VPS35L: variants seen among roughly 807,000 people sequenced by gnomAD.
VPS35L encodes VPS35 endosomal protein sorting factor like, also known as VPS35 endosomal protein-sorting factor-like.
VPS35L carries 83 observed loss-of-function variants against 133.0 expected under a neutral mutation model. That is an observed-to-expected ratio of 0.62 (90% confidence interval 0.52 to 0.75). The LOEUF is 0.75. VPS35L is among the 30% of genes least tolerant of loss of function. VPS35L has a pLI of 0.00. For synonymous variants in VPS35L, 423 were observed against 449.9 expected (o/e 0.94, Z 0.76); for missense variants, 1,083 against 1,206.8 (o/e 0.90, Z 1.52).
At chr16:19,669,440 T>C in intron 27 of VPS35L, 141 bp downstream of exon 27, 6 of 1,061,592 alleles carry the variant, frequency 5.7e-6, no homozygotes, top group Non-Finnish European at 6.5e-6. Flanking sequence ...TTTGAATTGC[T>C]TAATGAATTT....
rs192110223 is a variant in VPS35L at position 19,620,688 on chromosome 16, T to G, written c.1224+3880T>G. Among the ~76,000 whole-genome samples the G allele has an allele frequency of 2.9e-3, 435 of 152,238 alleles. 4 individuals carry two copies. Among genetic ancestry groups the G allele is most frequent in the African/African-American group, 0.01 (425 of 41,550 alleles). ...AAATTAGGCCAGGCGTGGTGGCACA[T>G]GCCTGTAATCCCAGCACTTTGGGAG... On this transcript the variant is annotated intron_variant, in intron 14 of 30. Coordinates refer to ENST00000417362, the MANE Select transcript of VPS35L (RefSeq NM_020314.7).
At chr16:19,590,152 CCCCCA>C (rs1972000932) in intron 7 of VPS35L, among the ~76,000 whole-genome samples, 1 of 104,244 alleles carries the variant, frequency 9.6e-6, no homozygotes, top group African/African-American at 3.7e-5. Context: ...CCCCCCCCCC[CCCCCA>C]CAAATAACAT....
At chr16:19,671,641 G>A (rs1974878380) in intron 27 of VPS35L, among the ~76,000 whole-genome samples, 2 of 152,018 alleles carry the variant, frequency 1.3e-5, no homozygotes, top group South Asian at 4.2e-4. Flanking sequence ...GCCAGGAGTG[G>A]TGGCAGGCAC....
chr16:19,631,992 C>T (rs1195511869), intron 18 of VPS35L, among the ~76,000 whole-genome samples: 1 of 152,030 alleles, frequency 6.6e-6, no homozygotes, highest in African/African-American at 2.4e-5. Flanking sequence ...GATGGAGTCT[C>T]ACTCCGTCAC....
Position 19,573,225 on chromosome 16 carries a change from C to G in VPS35L, c.392C>G (p.Thr131Ser). 1 of 1,613,812 alleles carries G rather than the reference C, an allele frequency of 6.2e-7. No homozygotes were observed. The highest frequency in any genetic ancestry group is 8.5e-7 in the Non-Finnish European group (1 of 1,179,818). ...RGEILARYTT[T>S]EKLSINLFMG... ...GAAATCCTTGCCCGGTACACCACTA[C>G]CGAAAAGCTGTCTATTGTGAGTACC... Residue 131 changes from threonine (T) to serine (S), a missense_variant, in exon 4 of 31, where the codon ACC (threonine) becomes AGC (serine). Physicochemically the swap from Thr to Ser is moderately conservative, Grantham distance 58 (BLOSUM62 1). Coordinates refer to ENST00000417362, the MANE Select transcript of VPS35L (RefSeq NM_020314.7).
intron 4 of VPS35L, among the ~76,000 whole-genome samples, chr16:19,574,450 A>T (rs1971473137): frequency 6.6e-6 from 1 of 152,146 alleles, no homozygotes; most frequent in Admixed American, 6.5e-5. Context: ...GTCCATCTAC[A>T]AATGGGGCTG....
chr16:19,559,604 G>A (rs1315184843), intron 1 of VPS35L, among the ~76,000 whole-genome samples: 1 of 152,142 alleles, frequency 6.6e-6, no homozygotes, highest in Non-Finnish European at 1.5e-5. Context: ...GGATCAGAGA[G>A]CAAATTTGAG....
chr16:19,612,046 C>T (rs1463145778), intron 12 of VPS35L, among the ~76,000 whole-genome samples: 1 of 150,170 alleles, frequency 6.7e-6, no homozygotes, highest in Non-Finnish European at 1.5e-5. Context: ...TCAAGCAATT[C>T]TTCTGCTGCA....
chr16:19,571,058 A>G (rs1184624312), intron 3 of VPS35L, among the ~76,000 whole-genome samples: 1 of 150,786 alleles, frequency 6.6e-6, no homozygotes, highest in Admixed American at 6.6e-5. Flanking sequence ...ATTTTAGTAG[A>G]GACGGGGTTT....
chr16:19,665,430 A>G (rs1974631528), intron 26 of VPS35L, among the ~76,000 whole-genome samples: 1 of 152,194 alleles, frequency 6.6e-6, no homozygotes, highest in South Asian at 2.1e-4. Flanking sequence ...GAGAACATGC[A>G]AAGTTTGCCT....
chr16:19,671,667 C>G (rs1974879849), intron 27 of VPS35L, among the ~76,000 whole-genome samples: 1 of 151,950 alleles, frequency 6.6e-6, no homozygotes, highest in Admixed American at 6.6e-5. Flanking sequence ...ATCTCAGCTA[C>G]CAGGGAGGCT....
At chr16:19,682,994 G>A (rs1422941885) in intron 28 of VPS35L, among the ~76,000 whole-genome samples, 1 of 152,062 alleles carries the variant, frequency 6.6e-6, no homozygotes, top group Non-Finnish European at 1.5e-5. Context: ...ATGTGATCTC[G>A]GCCCACTGCA....
At position 19,623,297 on chromosome 16, in the gene VPS35L, G is replaced by A. The variant is rs28412290; in HGVS notation, c.1225-2880G>A. Among the ~76,000 whole-genome samples the A allele has an allele frequency of 5.8e-3, 882 of 152,300 alleles. 10 individuals carry two copies. The highest frequency in any genetic ancestry group is 0.02 in the African/African-American group (822 of 41,564). On this transcript the variant is annotated intron_variant, in intron 14 of 30. Transcript: ENST00000417362. ...CAAGATCAAGGGGCCAGCAAGGTTGGTTTCTGGTGAGGCCTCTCTCCTTGG... is the reference window on the plus strand; with the variant it reads ...CAAGATCAAGGGGCCAGCAAGGTTGATTTCTGGTGAGGCCTCTCTCCTTGG...
At chr16:19,691,681 C>T (rs1031242316) in intron 29 of VPS35L, among the ~76,000 whole-genome samples, 5 of 152,146 alleles carry the variant, frequency 3.3e-5, no homozygotes, top group Admixed American at 6.5e-5. Flanking sequence ...CTGGCTGTTC[C>T]TTCTCGTCAT....
rs142895244 is a variant in VPS35L at position 19,580,069 on chromosome 16, G to A, written c.510+941G>A. Among the ~76,000 whole-genome samples, 1,168 of 150,894 alleles carry A rather than the reference G, an allele frequency of 7.7e-3. 18 individuals carry two copies. The highest frequency in any genetic ancestry group is 0.028 in the East Asian group (140 of 4,922). ...ACAAAAATTAGCTGGGCATGGTGGC[G>A]GATGCCTGTAATCCCAGCTACTCAG... On this transcript the variant is annotated intron_variant, in intron 6 of 30. Transcript: ENST00000417362.
intron 21 of VPS35L, among the ~76,000 whole-genome samples, chr16:19,641,434 A>G (rs73537535): frequency 0.022 from 3,362 of 152,166 alleles, 123 homozygotes; most frequent in African/African-American, 0.076. Context: ...GTTTAATATG[A>G]TTTCATTTAC....
At chr16:19,682,561 T>C (rs1469481080) in intron 28 of VPS35L, among the ~76,000 whole-genome samples, 171 bp downstream of exon 28, 2 of 152,216 alleles carry the variant, frequency 1.3e-5, no homozygotes, top group Non-Finnish European at 2.9e-5. Flanking sequence ...GGAGCAACTC[T>C]TAAGAGTACA....
At chr16:19,608,777 A>G (rs1286328998) in intron 10 of VPS35L, 197 bp from the exon 11 acceptor site, 3 of 542,216 alleles carry the variant, frequency 5.5e-6, no homozygotes, top group Non-Finnish European at 9.8e-6. Context: ...ATTTCCCACA[A>G]TTTATTTCAA....
intron 28 of VPS35L, among the ~76,000 whole-genome samples, chr16:19,687,979 T>C (rs1180080605): frequency 6.6e-6 from 1 of 152,084 alleles, no homozygotes. Flanking sequence ...CTGCCTGCAG[T>C]GCAGTGGCGT....
Sources: allele counts gnomAD v4.1 joint callset (sites outside exome capture counted in the v4.1 genomes callset), GRCh38; gene constraint gnomAD v4.1.1; transcripts MANE v1.5; gene names NCBI Gene and HGNC (gene_info 2026-07-23, HGNC 2026-07-21).